The following VWDE variants were observed in gnomAD, a reference collection of about 807,000 sequenced individuals.
VWDE encodes von Willebrand factor D and EGF domains.
Under a neutral mutation model 178.4 loss-of-function variants are expected in VWDE, and 207 were observed. That is an observed-to-expected ratio of 1.16 (90% CI 1.04 to 1.30). The LOEUF is 1.30. Ranked by LOEUF, VWDE falls within the 50% of genes most tolerant of loss-of-function variation. The pLI, the probability that VWDE is intolerant of heterozygous loss-of-function variation, is 0.00. For missense variants in VWDE, 2,287 were observed against 1,901.3 expected (o/e 1.20, Z -3.77); for synonymous variants, 738 against 651.4 (o/e 1.13, Z -2.02).
intron 1 of VWDE, among the ~76,000 whole-genome samples, chr7:12,393,986 C>A (rs1425924983): frequency 3.9e-5 from 6 of 152,104 alleles, no homozygotes; most frequent in African/African-American, 9.7e-5. Flanking sequence ...AACAAATCAA[C>A]AAAACTCTTT....
rs753520162 is a variant in VWDE, at chr7:12,365,565, T to G, written c.2898+1792A>C. Among the ~76,000 whole-genome samples, 64 of 152,076 alleles carry G rather than the reference T, an allele frequency of 4.2e-4. 1 individual carries two copies. Among genetic ancestry groups the G allele is most frequent in the Admixed American group, 7.2e-4 (11 of 15,248 alleles). On this transcript the variant is annotated intron_variant, in intron 13 of 28. Coordinates refer to ENST00000275358, the MANE Select transcript of VWDE (RefSeq NM_001135924.3). ...GAAGGTGAGCAGGAATCGATTCACG[T>G]TGACTGAACATGTAATAGGGGAGCT...
chr7:12,331,046 T>G lies in VWDE; in HGVS notation c.*137A>C. On this transcript the variant is annotated 3_prime_UTR_variant, in exon 29 of 29. Transcript: ENST00000275358. ...TATGATTACAACAGAGATCATTATG[T>G]ATTTTATTAGTTTCTTCAGTCTTTA... The G allele has an allele frequency of 1.6e-6, 1 of 634,004 alleles. No individual in the cohort carries two copies. Among genetic ancestry groups the G allele is most frequent in the Non-Finnish European group, 2.6e-6 (1 of 378,750 alleles). The allele number at this position is 634,004 out of a possible 1,614,324, so 39.3% of individuals were successfully genotyped here.
intron 5 of VWDE, among the ~76,000 whole-genome samples, chr7:12,380,102 C>CA (rs996069165): frequency 9.4e-4 from 121 of 128,712 alleles, no homozygotes; most frequent in African/African-American, 2.5e-3. Flanking sequence ...GACTCCGCCT[C>CA]AAAAAAAAAA....
intron 12 of VWDE, 145 bp downstream of exon 12, chr7:12,369,400 T>C (rs576904052): frequency 3.7e-6 from 4 of 1,072,608 alleles, no homozygotes; most frequent in Admixed American, 5.9e-5. Flanking sequence ...GGAAAGTTAG[T>C]AATGTGTTCA....
intron 24 of VWDE, among the ~76,000 whole-genome samples, chr7:12,337,571 G>A (rs74769585): frequency 0.026 from 3,886 of 152,170 alleles, 170 homozygotes; most frequent in African/African-American, 0.082. Context: ...ATAAAGCATG[G>A]AATGATCTAG....
In VWDE at chr7:12,350,208, G is replaced by A. The variant is rs182282327; in HGVS notation, c.3886+1365C>T. On this transcript the variant is annotated intron_variant, in intron 19 of 28. Coordinates refer to ENST00000275358, the MANE Select transcript of VWDE (RefSeq NM_001135924.3). ...ATGAAATACTAGCAAATCAAAGGTA[G>A]CAGTGCATTTATGGAAAAATATATC... Among the ~76,000 whole-genome samples, 462 of 152,000 alleles carry A rather than the reference G, an allele frequency of 3.0e-3. 2 individuals are homozygous for A. Among genetic ancestry groups the A allele is most frequent in the Non-Finnish European group, 2.8e-3 (187 of 67,900 alleles).
chr7:12,369,887 A>T lies in VWDE; in HGVS notation c.2419T>A (p.Leu807Met), dbSNP rs1298702933. The T allele has an allele frequency of 6.4e-7, 1 of 1,551,524 alleles. No homozygotes were observed. Among genetic ancestry groups the T allele is most frequent in the Non-Finnish European group, 8.7e-7 (1 of 1,146,900 alleles). Reference sequence around the variant, plus strand: ...GCTAGAGTCTCCTGACAGAGGGTCAAGGTGCTATACTCGGTGAGGCCAGAG... The same window carrying T: ...GCTAGAGTCTCCTGACAGAGGGTCATGGTGCTATACTCGGTGAGGCCAGAG... Reference protein sequence around the residue: ...TPSGLTEYSTLTLCQETLANS... With the variant: ...TPSGLTEYSTMTLCQETLANS... The change falls in exon 12 of 29, where the codon TTG becomes ATG. Residue 807 changes from leucine (L) to methionine (M), a missense_variant. Physicochemically the swap from Leu to Met is conservative, Grantham distance 15. Transcript: ENST00000275358.
At chr7:12,335,702 G>A (rs112432521) in intron 27 of VWDE, among the ~76,000 whole-genome samples, 2,839 of 152,210 alleles carry the variant, frequency 0.019, 82 homozygotes, top group African/African-American at 0.064. Context: ...TGATCCGCTG[G>A]CCTTGGCCTC....
At chr7:12,341,177 TTGAAA>T (rs1261671640) in intron 23 of VWDE, among the ~76,000 whole-genome samples, 3 of 151,540 alleles carry the variant, frequency 2.0e-5, no homozygotes, top group Non-Finnish European at 4.4e-5. Flanking sequence ...AATATGCGAC[TTGAAA>T]TGAGGGCAAA....
intron 2 of VWDE, among the ~76,000 whole-genome samples, chr7:12,391,912 G>A (rs780025924): frequency 6.6e-5 from 10 of 152,082 alleles, no homozygotes; most frequent in Non-Finnish European, 1.3e-4. Flanking sequence ...AAAGAAAATC[G>A]ACTTTAAGAA....
chr7:12,374,688 C>A lies in VWDE; in HGVS notation c.1316+1G>T. 6.5e-7 allele frequency: 1 copy of A among 1,526,962 alleles called. No homozygotes were observed. Among genetic ancestry groups the A allele is most frequent in the African/African-American group, 1.4e-5 (1 of 72,042 alleles). The allele number at this position is 1,526,962 out of a possible 1,614,324, so 94.6% of individuals were successfully genotyped here. A position where few individuals can be genotyped will look rare whatever the true frequency, so the allele number is the denominator to read the frequency against. On this transcript the variant is annotated splice_donor_variant, in intron 9 of 28. Transcript: ENST00000275358. LOFTEE classifies it high-confidence loss of function. ...AAAAGAAGAAACTTTCAGAAAATTA[C>A]CTGCCATCAAATGTAATTATATGTG...
intron 4 of VWDE, among the ~76,000 whole-genome samples, chr7:12,382,962 C>T (rs1424142762): frequency 1.3e-5 from 2 of 151,658 alleles, no homozygotes; most frequent in East Asian, 3.9e-4. Flanking sequence ...TCACTATCAA[C>T]ATCATTGATG....
chr7:12,357,145 A>T (rs1463795097), intron 17 of VWDE, 120 bp downstream of exon 17: 11 of 1,294,892 alleles, frequency 8.5e-6, no homozygotes, highest in Non-Finnish European at 1.0e-6. Flanking sequence ...AATTTTCCAT[A>T]CAATGTTTAA....
intron 3 of VWDE, among the ~76,000 whole-genome samples, chr7:12,387,411 A>G (rs1345144252): frequency 6.6e-6 from 1 of 152,098 alleles, no homozygotes. Context: ...TTTTGCTGAC[A>G]TTAAGAGAGA....
intron 3 of VWDE, among the ~76,000 whole-genome samples, chr7:12,385,859 G>C (rs1784071033): frequency 6.6e-6 from 1 of 152,136 alleles, no homozygotes; most frequent in Admixed American, 6.6e-5. Context: ...TAGAGGACTT[G>C]AATATGGAGA....
chr7:12,364,659 A>G (rs1330037128), intron 13 of VWDE, among the ~76,000 whole-genome samples: 1 of 152,162 alleles, frequency 6.6e-6, no homozygotes, highest in African/African-American at 2.4e-5. Flanking sequence ...GTAGAATTCC[A>G]GATAATATGT....
At chr7:12,381,239 C>A (rs2128558830) in intron 4 of VWDE, among the ~76,000 whole-genome samples, 1 of 152,132 alleles carries the variant, frequency 6.6e-6, no homozygotes, top group Non-Finnish European at 1.5e-5. Context: ...ATATCTTATT[C>A]CTTTCATTTT....
At chr7:12,379,657 T>C in intron 5 of VWDE, 91 bp from the exon 6 acceptor site, 1 of 823,412 alleles carries the variant, frequency 1.2e-6, no homozygotes, top group Non-Finnish European at 1.8e-6. Context: ...ATTTAATTCT[T>C]CATAGATAGT....
chr7:12,384,232 T>C (rs1239571936), intron 3 of VWDE, among the ~76,000 whole-genome samples: 1 of 152,024 alleles, frequency 6.6e-6, no homozygotes, highest in Non-Finnish European at 1.5e-5. Context: ...GAGTATTAAG[T>C]GAAAGAAGCC....
Sources: allele counts gnomAD v4.1 joint callset (sites outside exome capture counted in the v4.1 genomes callset), GRCh38; gene constraint gnomAD v4.1.1; transcripts MANE v1.5; gene names NCBI Gene and HGNC (gene_info 2026-07-23, HGNC 2026-07-21).